Variants in MAP3K13 observed in about 807,000 individuals in gnomAD.
MAP3K13 encodes mitogen-activated protein kinase kinase kinase 13, also known as leucine zipper-bearing kinase.
MAP3K13 carries 52 observed loss-of-function variants against 104.0 expected under a neutral mutation model. The observed-to-expected ratio is 0.50, with a 90% CI of 0.40 to 0.63. MAP3K13 has a LOEUF of 0.63. MAP3K13 is among the 20% of genes least tolerant of loss of function. The pLI, the probability that MAP3K13 is intolerant of heterozygous loss-of-function variation, is 0.00. For missense variants in MAP3K13, 914 were observed against 1,218.5 expected (o/e 0.75, Z 3.72); for synonymous variants, 394 against 442.2 (o/e 0.89, Z 1.37).
chr3:185,321,668 A>G (rs1224471883), intron 2 of MAP3K13, among the ~76,000 whole-genome samples: 1 of 152,200 alleles, frequency 6.6e-6, no homozygotes, highest in African/African-American at 2.4e-5. Context: ...CAGTGGCTCA[A>G]TCTTGGCTCA....
Position 185,313,200 on chromosome 3 carries a change from G to A in MAP3K13, c.-86+27557G>A, listed in dbSNP as rs1463365163. Among the ~76,000 whole-genome samples, 6 of 149,008 alleles carry A rather than the reference G, an allele frequency of 4.0e-5. No homozygotes were observed. The East Asian group carries it at 1.2e-3, about 29-fold the overall frequency. On this transcript the variant is annotated intron_variant, in intron 2 of 14. Coordinates refer to the MAP3K13 transcript ENST00000424227. The stretch of plus-strand genomic sequence containing the variant: ...TGAGACTCCATCTCAAAAAAAAAAA[G>A]GGGAAAATGTAGAATAAAACAAATT...
At chr3:185,442,388 A>G (rs78672856) in intron 3 of MAP3K13, among the ~76,000 whole-genome samples, 21,293 of 151,992 alleles carry the variant, frequency 0.14, 1,858 homozygotes, top group South Asian at 0.26. Flanking sequence ...TTGGGTCCTC[A>G]GTCTAGTTAG....
At chr3:185,324,590 G>C (rs919515715) in intron 2 of MAP3K13, among the ~76,000 whole-genome samples, 1 of 151,962 alleles carries the variant, frequency 6.6e-6, no homozygotes, top group Non-Finnish European at 1.5e-5. Flanking sequence ...CCCTCTCCCA[G>C]GGGCACACCG....
chr3:185,468,891 C>T (rs905755511), intron 10 of MAP3K13, among the ~76,000 whole-genome samples: 1 of 152,238 alleles, frequency 6.6e-6, no homozygotes, highest in African/African-American at 2.4e-5. Context: ...CTTCTGCCTA[C>T]AGTTAAAACT....
At chr3:185,414,075 T>C (rs9837797) in intron 1 of MAP3K13, among the ~76,000 whole-genome samples, 88,660 of 151,928 alleles carry the variant, frequency 0.58, 26,895 homozygotes, top group Non-Finnish European at 0.68. Flanking sequence ...GCTCTGGTGC[T>C]GGAGTGGAAC....
intron 2 of MAP3K13, among the ~76,000 whole-genome samples, chr3:185,320,154 C>T (rs1253095730): frequency 6.6e-6 from 1 of 150,434 alleles, no homozygotes; most frequent in East Asian, 1.9e-4. Context: ...GATCTCAGCT[C>T]ACTGCAACCT....
chr3:185,385,783 A>T (rs934703788), intron 1 of MAP3K13, among the ~76,000 whole-genome samples: 1 of 152,098 alleles, frequency 6.6e-6, no homozygotes, highest in African/African-American at 2.4e-5. Context: ...TGGGCTGATC[A>T]CCTGAGGTCA....
chr3:185,371,211 T>C (rs1027869810), intron 1 of MAP3K13, among the ~76,000 whole-genome samples: 3 of 152,210 alleles, frequency 2.0e-5, no homozygotes, highest in African/African-American at 7.2e-5. Context: ...TTCATTTGTA[T>C]GTTCATTTCA....
In MAP3K13 at chr3:185,296,966, G is replaced by C. The variant is rs1212726071; in HGVS notation, c.-86+11323G>C. 3.9e-5 allele frequency among the ~76,000 whole-genome samples: 6 copies of C among 152,182 alleles called. No homozygotes were observed. In the East Asian group the frequency reaches 9.6e-4, roughly 24 times the overall value. ...GTAAAGTTAATGTACAGAAGGTCCT[G>C]CACAGTGGCTAAAGTCATGTTATAA... On this transcript the variant is annotated intron_variant, in intron 2 of 14. Transcript: ENST00000424227.
intron 2 of MAP3K13, chr3:185,292,535 TCCCCCCGG>T: frequency 2.1e-6 from 1 of 476,606 alleles, no homozygotes; most frequent in Non-Finnish European, 2.7e-6. Context: ...TCTAACATTT[TCCCCCCGG>T]CCTACCTCAC....
rs201335222 is a variant in MAP3K13 at position 185,312,181 on chromosome 3, GGCT to G, written c.-86+26541_-86+26543del. Among the ~76,000 whole-genome samples, 1,334 of 152,340 alleles carry G rather than the reference GGCT, an allele frequency of 8.8e-3. 6 individuals are homozygous for G. Among genetic ancestry groups the G allele is most frequent in the Non-Finnish European group, 0.014 (968 of 68,032 alleles). ...TGAAAACTGACTAACCTTTGCCCCA[GGCT>G]GCAAGCCAAGGAGAAGTATTTACTT... On this transcript the variant is annotated intron_variant, in intron 2 of 14. Transcript: ENST00000424227.
intron 12 of MAP3K13, chr3:185,480,024 G>C: frequency 1.7e-6 from 1 of 601,154 alleles, no homozygotes; most frequent in South Asian, 2.0e-5. Flanking sequence ...CTGGTATTAG[G>C]GCCTCAACAT....
rs1715003020 is a variant in MAP3K13, at chr3:185,435,906, A to C, written c.476-1541A>C. On this transcript the variant is annotated intron_variant, in intron 2 of 13. Transcript: ENST00000265026. Reference sequence around the variant, plus strand: ...GCTTTCAAGACCAGAGTATCTTTGAAGCTAACTCAACACTACTTTGTTCCA... The same window carrying C: ...GCTTTCAAGACCAGAGTATCTTTGACGCTAACTCAACACTACTTTGTTCCA... Among the ~76,000 whole-genome samples, 4 of 152,294 alleles carry C rather than the reference A, an allele frequency of 2.6e-5. No homozygotes were observed. The South Asian group carries it at 8.3e-4, about 32-fold the overall frequency.
At chr3:185,349,436 A>C (rs1172015202) in intron 2 of MAP3K13, among the ~76,000 whole-genome samples, 1 of 144,586 alleles carries the variant, frequency 6.9e-6, no homozygotes, top group Admixed American at 6.8e-5. Context: ...GTTGCAGCAA[A>C]GGACATGACT....
At chr3:185,396,356 G>A (rs182416400) in intron 1 of MAP3K13, among the ~76,000 whole-genome samples, 4 of 151,728 alleles carry the variant, frequency 2.6e-5, no homozygotes, top group African/African-American at 7.3e-5. Context: ...GGTGACAGAG[G>A]AAGACTCTGT....
Position 185,486,410 on chromosome 3 carries a change from G to C in MAP3K13, c.*3954G>C, listed in dbSNP as rs1718719882. On this transcript the variant is annotated 3_prime_UTR_variant, in exon 14 of 14. Coordinates refer to ENST00000265026, the MANE Select transcript of MAP3K13 (RefSeq NM_004721.5). ...TTCAGAGGAGAATAAGGTCCTTAGT[G>C]GAGGTTAAAAAGGGAAATACCTTCT... The C allele has an allele frequency of 1.3e-5, 2 of 152,132 alleles. No homozygotes were observed. Among genetic ancestry groups the C allele is most frequent in the African/African-American group, 4.8e-5 (2 of 41,406 alleles). 9.4% of individuals were successfully genotyped at this position (152,132 alleles called of 1,614,324 possible).
intron 1 of MAP3K13, among the ~76,000 whole-genome samples, chr3:185,412,783 T>C (rs2108787499): frequency 1.3e-5 from 2 of 152,256 alleles, no homozygotes; most frequent in Middle Eastern, 3.4e-3. Flanking sequence ...GAGTCAGGAG[T>C]GCTTTGTTCA....
intron 1 of MAP3K13, among the ~76,000 whole-genome samples, chr3:185,414,676 G>A (rs1014075674): frequency 3.9e-5 from 6 of 152,130 alleles, no homozygotes; most frequent in East Asian, 1.9e-4. Flanking sequence ...ATTGGAAGTC[G>A]AAGTCTGTTA....
At chr3:185,338,126 C>T (rs74999665) in intron 2 of MAP3K13, among the ~76,000 whole-genome samples, 12,662 of 151,886 alleles carry the variant, frequency 0.083, 699 homozygotes, top group East Asian at 0.2. Flanking sequence ...CCCAGGAGTT[C>T]GAGACCAGCC....
Sources: allele counts gnomAD v4.1 joint callset (sites outside exome capture counted in the v4.1 genomes callset), GRCh38; gene constraint gnomAD v4.1.1; transcripts MANE v1.5; gene names NCBI Gene and HGNC (gene_info 2026-07-23, HGNC 2026-07-21).